PEPD: variants seen among roughly 807,000 people sequenced by gnomAD.
PEPD encodes peptidase D, also known as xaa-Pro dipeptidase.
Under a neutral mutation model 60.7 loss-of-function variants are expected in PEPD, and 53 were observed. The observed-to-expected ratio is 0.87, with a 90% confidence interval of 0.70 to 1.10. PEPD has a LOEUF of 1.10. Ranked by LOEUF, PEPD falls within the 50% of genes least tolerant of loss-of-function variation. PEPD has a pLI of 0.00. For synonymous variants in PEPD, 267 were observed against 284.1 expected (o/e 0.94, Z 0.60); for missense variants, 711 against 711.9 (o/e 1.00, Z 0.01).
chr19:33,409,961 C>T (rs1409252920), intron 11 of PEPD, among the ~76,000 whole-genome samples: 1 of 152,230 alleles, frequency 6.6e-6, no homozygotes, highest in Non-Finnish European at 1.5e-5. Context: ...CCTTGTGGCC[C>T]CAGGCATGTA....
chr19:33,453,330 A>G (rs1969733490), intron 9 of PEPD, among the ~76,000 whole-genome samples: 1 of 152,018 alleles, frequency 6.6e-6, no homozygotes, highest in Non-Finnish European at 1.5e-5. Flanking sequence ...ATAAATAAAT[A>G]AATAAATAAA....
At chr19:33,496,168 A>G (rs3786913) in intron 4 of PEPD, among the ~76,000 whole-genome samples, 21,299 of 152,144 alleles carry the variant, frequency 0.14, 1,637 homozygotes, top group South Asian at 0.21. Context: ...CAATTACAGC[A>G]GCTGAATCAG....
At chr19:33,446,844 G>A (rs1361947281) in intron 9 of PEPD, among the ~76,000 whole-genome samples, 4 of 152,194 alleles carry the variant, frequency 2.6e-5, no homozygotes, top group Non-Finnish European at 2.9e-5. Context: ...CAGTCTATGC[G>A]CCAGTCTCCA....
chr19:33,514,692 A>G (rs1250615356), intron 1 of PEPD, among the ~76,000 whole-genome samples: 1 of 149,352 alleles, frequency 6.7e-6, no homozygotes, highest in Non-Finnish European at 1.5e-5. Flanking sequence ...CAGTGGATCC[A>G]CTCCCCTGGC....
chr19:33,493,220 G>C, intron 5 of PEPD, 70 bp downstream of exon 5: 1 of 1,080,484 alleles, frequency 9.3e-7, no homozygotes, highest in Non-Finnish European at 1.4e-6. Flanking sequence ...ACCTCTGCAG[G>C]AGAGGTGGCC....
At chr19:33,488,994 G>C (rs1051293258) in intron 6 of PEPD, among the ~76,000 whole-genome samples, 11 of 152,134 alleles carry the variant, frequency 7.2e-5, no homozygotes, top group Admixed American at 6.5e-4. Context: ...TATGGCATCA[G>C]CCAGCAATGC....
At chr19:33,419,855 G>T (rs1288268257) in intron 9 of PEPD, among the ~76,000 whole-genome samples, 1 of 152,018 alleles carries the variant, frequency 6.6e-6, no homozygotes, top group Non-Finnish European at 1.5e-5. Context: ...AGGAGCTGGG[G>T]TCTGAGAGAG....
chr19:33,406,377 G>A (rs1968624825), intron 11 of PEPD, among the ~76,000 whole-genome samples: 1 of 152,204 alleles, frequency 6.6e-6, no homozygotes, highest in Admixed American at 6.5e-5. Context: ...TATGAGGACG[G>A]GTGAGAATGG....
chr19:33,405,864 G>A (rs182808782), intron 11 of PEPD, among the ~76,000 whole-genome samples: 85 of 152,358 alleles, frequency 5.6e-4, no homozygotes, highest in South Asian at 4.6e-3. Context: ...TGCCCATGCC[G>A]CCAGCCCATG....
chr19:33,458,842 T>C (rs879919190), intron 9 of PEPD, among the ~76,000 whole-genome samples: 2 of 2,952 alleles, frequency 6.8e-4, no homozygotes, highest in Non-Finnish European at 2.0e-3. Context: ...GGATGTGTGG[T>C]ATGTGGTGTG....
chr19:33,516,897 C>G (rs1467012701), intron 1 of PEPD, among the ~76,000 whole-genome samples: 2 of 152,176 alleles, frequency 1.3e-5, no homozygotes, highest in African/African-American at 4.8e-5. Context: ...CTTTTGCTCC[C>G]CACAACTTCA....
At chr19:33,388,131 G>C (rs373730352) in intron 13 of PEPD, 50 bp from the exon 14 acceptor site, 1 of 1,462,536 alleles carries the variant, frequency 6.8e-7, no homozygotes, top group Non-Finnish European at 9.3e-7. Flanking sequence ...AGGGCTCACC[G>C]TGGCCTCATC....
intron 12 of PEPD, among the ~76,000 whole-genome samples, chr19:33,397,832 C>T (rs1968402031): frequency 6.6e-6 from 1 of 152,220 alleles, no homozygotes; most frequent in African/African-American, 2.4e-5. Context: ...AACCAGGCAG[C>T]ACCACGGGAT....
Position 33,497,345 on chromosome 19 carries a change from C to T in PEPD, c.393+3593G>A, listed in dbSNP as rs188867137. ...CATAAAGGGAAGCAAGTGCATGGAA[C>T]GCACGCTTCACCTGCCAGCTCTCAG... On this transcript the variant is annotated intron_variant, in intron 4 of 14. Coordinates refer to ENST00000244137, the MANE Select transcript of PEPD (RefSeq NM_000285.4). Among the ~76,000 whole-genome samples, 12 of 152,380 alleles carry T rather than the reference C, an allele frequency of 7.9e-5. No individual in the cohort carries two copies. The East Asian group carries it at 1.4e-3, about 17-fold the overall frequency.
chr19:33,513,610 G>T (rs1970968519), intron 1 of PEPD, among the ~76,000 whole-genome samples: 2 of 152,120 alleles, frequency 1.3e-5, no homozygotes, highest in Non-Finnish European at 2.9e-5. Context: ...CCGTGGCCTG[G>T]TCTGCACCTT....
chr19:33,509,659 A>G (rs1970883755), intron 3 of PEPD, among the ~76,000 whole-genome samples: 1 of 152,240 alleles, frequency 6.6e-6, no homozygotes. Flanking sequence ...GGTAATGAGC[A>G]TTCTGGGGCA....
intron 14 of PEPD, 102 bp from the exon 15 acceptor site, chr19:33,387,583 G>A: frequency 6.8e-7 from 1 of 1,462,182 alleles, no homozygotes; most frequent in Middle Eastern, 1.9e-4. Context: ...GATGGGAGCA[G>A]CTGACACTCC....
At chr19:33,435,251 G>A (rs1969352503) in intron 9 of PEPD, among the ~76,000 whole-genome samples, 4 of 151,856 alleles carry the variant, frequency 2.6e-5, no homozygotes, top group Admixed American at 2.0e-4. Context: ...GCCGGCGTCT[G>A]ATCCCGACTC....
intron 13 of PEPD, among the ~76,000 whole-genome samples, chr19:33,390,825 G>A (rs1049637179): frequency 2.6e-5 from 4 of 152,158 alleles, no homozygotes; most frequent in South Asian, 2.1e-4. Flanking sequence ...GCGAACCAGC[G>A]GCAGAGCAGG....
Sources: gnomAD v4.1 joint callset for allele counts (sites outside exome capture counted in the v4.1 genomes callset) on GRCh38, gnomAD v4.1.1 for gene constraint, MANE v1.5 for transcripts, NCBI Gene and HGNC (gene_info 2026-07-23, HGNC 2026-07-21) for gene names.